NDST1: variants seen among roughly 807,000 people sequenced by gnomAD.
NDST1 encodes the protein N-deacetylase and N-sulfotransferase 1, also known as bifunctional heparan sulfate N-deacetylase/N-sulfotransferase 1.
In NDST1, 35 loss-of-function variants were observed where a neutral mutation model predicts 92.8. The observed-to-expected ratio is 0.38, with a 90% confidence interval of 0.29 to 0.50. The LOEUF (loss-of-function observed/expected upper bound fraction) is 0.50. Among genes scored for constraint, NDST1 ranks in the 20% least tolerant of loss-of-function variants. The probability of loss-of-function intolerance (pLI) is 0.94; values close to 1 mark genes in which losing one functional copy is unlikely to be tolerated. For missense variants in NDST1, 822 were observed against 1,182.7 expected, an observed-to-expected ratio of 0.69 and a Z score of 4.47; for synonymous variants, 493 against 500.3, an observed-to-expected ratio of 0.99 and a Z score of 0.19.
At chr5:150,505,019 A>G (rs542730075), upstream of NDST1, among the ~76,000 whole-genome samples, 3 of 152,306 alleles carry the variant, frequency 2.0e-5, no homozygotes, top group African/African-American at 7.2e-5. Context: ...CTTTTCTGAG[A>G]AAGGGGGAAG....
Position 150,528,105 on chromosome 5 carries a change from T to C in NDST1, c.815T>C (p.Leu272Pro), listed in dbSNP as rs1318156238. 3 of 1,613,980 alleles carry C rather than the reference T, an allele frequency of 1.9e-6. No individual in the cohort carries two copies. The highest frequency in any genetic ancestry group is 2.5e-6 in the Non-Finnish European group (3 of 1,179,852). ...GCCACTGTGGTCCAGGACCTGGGCC[T>C]GCACGACGGCATCCAGCGCGTGCTG... ...LHATVVQDLG[L>P]HDGIQRVLFG... The change falls in exon 3 of 15, where the codon CTG becomes CCG. Residue 272 changes from leucine (L) to proline (P), a missense_variant. Coordinates refer to ENST00000261797, the MANE Select transcript of NDST1 (RefSeq NM_001543.5).
intron 8 of NDST1, among the ~76,000 whole-genome samples, chr5:150,540,842 A>G (rs926095526): frequency 6.6e-6 from 1 of 152,202 alleles, no homozygotes; most frequent in Non-Finnish European, 1.5e-5. Flanking sequence ...CCAAGTGAAC[A>G]CAGTGCAGAC....
rs755090729 is a variant in NDST1, at chr5:150,545,315, C to T, written c.1974C>T (p.Tyr658=). ...CGCCTCTCTGGGCTTCCTGCAGGTA[C>T]ATGGAGTTCTTCCCCATCCCTTCCA... is the stretch of plus-strand genomic sequence containing the variant. The part of the protein sequence containing the change: ...GHNYHKGIDW[Y]MEFFPIPSNT... The change falls in exon 11 of 15, where the codon TAC becomes TAT. Residue 658 remains tyrosine, a synonymous_variant. Coordinates refer to ENST00000261797, the MANE Select transcript of NDST1 (RefSeq NM_001543.5). The T allele has an allele frequency of 4.3e-6, 7 of 1,614,234 alleles. No individual in the cohort carries two copies. The South Asian group carries it at 7.7e-5, about 18-fold the overall frequency.
chr5:150,539,172 C>G, intron 6 of NDST1, 56 bp from the exon 7 acceptor site: 15 of 1,442,918 alleles, frequency 1.0e-5, no homozygotes, highest in Non-Finnish European at 1.5e-5. Flanking sequence ...GAAGAGTCCT[C>G]CCACCACCCT....
chr5:150,529,452 A>T (rs1754624844), intron 3 of NDST1, among the ~76,000 whole-genome samples: 1 of 152,018 alleles, frequency 6.6e-6, no homozygotes, highest in South Asian at 2.1e-4. Context: ...TACTTTGCAG[A>T]CCACAAGATT....
At position 150,521,742 on chromosome 5, in the gene NDST1, G is replaced by T; in HGVS notation, c.488G>T (p.Gly163Val). ...ELLDKYCVAY[G>V]VGIIGFFKAN... ...CTGGACAAGTACTGTGTGGCCTACGGCGTGGGCATCATTGGCTTCTTCAAG... is the reference window on the plus strand; with the variant it reads ...CTGGACAAGTACTGTGTGGCCTACGTCGTGGGCATCATTGGCTTCTTCAAG... Residue 163 changes from glycine (G) to valine (V), a missense_variant, in exon 2 of 15, where the codon GGC (glycine) becomes GTC (valine). By Grantham distance (109) the Gly-to-Val change is moderately radical. Transcript: ENST00000261797. This position sits in a 1 kb window ranked among gnomAD's most constrained non-coding sequence, Gnocchi z 5.9. 6.2e-7 allele frequency: 1 copy of T among 1,613,848 alleles called. No individual in the cohort carries two copies. The highest frequency in any genetic ancestry group is 8.5e-7 in the Non-Finnish European group (1 of 1,180,034).
chr5:150,527,847 C>A lies in NDST1; in HGVS notation c.557C>A (p.Pro186His). Residue 186 changes from proline (P) to histidine (H), a missense_variant, in exon 3 of 15, where the codon CCC becomes CAC. Transcript: ENST00000261797. ...SLLSAQLKGF[P>H]LFLHSNLGLK... ...CTGAGTGCGCAGCTCAAGGGCTTCC[C>A]CCTGTTCCTGCACTCAAACCTGGGC... 6.2e-7 allele frequency: 1 copy of A among 1,614,160 alleles called. No individual in the cohort carries two copies. The highest frequency in any genetic ancestry group is 8.5e-7 in the Non-Finnish European group (1 of 1,180,034).
Position 150,554,507 on chromosome 5 carries a change from C to T in NDST1, c.*1175C>T, listed in dbSNP as rs1006049421. 6.6e-6 allele frequency: 1 copy of T among 152,518 alleles called. No homozygotes were observed. Among genetic ancestry groups the T allele is most frequent in the East Asian group, 1.9e-4 (1 of 5,178 alleles). 9.4% of individuals were successfully genotyped at this position (152,518 alleles called of 1,614,324 possible). A position where few individuals can be genotyped will look rare whatever the true frequency, so the allele number is the denominator to read the frequency against. ...GGAGGGAGGCTGTGTCCTCAGTGGCCTGGGGCTGAGCAGACCTTAGGAAGG... is the reference window on the plus strand; with the variant it reads ...GGAGGGAGGCTGTGTCCTCAGTGGCTTGGGGCTGAGCAGACCTTAGGAAGG... On this transcript the variant is annotated 3_prime_UTR_variant, in exon 15 of 15. Transcript: ENST00000261797.
At chr5:150,543,367 G>A (rs142877429) in intron 10 of NDST1, among the ~76,000 whole-genome samples, 3 of 152,230 alleles carry the variant, frequency 2.0e-5, no homozygotes, top group Non-Finnish European at 4.4e-5. Flanking sequence ...GGCCCTTCAG[G>A]GACAGGTCGC....
chr5:150,514,295 C>T (rs1361180505), intron 1 of NDST1, among the ~76,000 whole-genome samples: 2 of 152,160 alleles, frequency 1.3e-5, no homozygotes, highest in Non-Finnish European at 2.9e-5. Context: ...GCTGGCTGGG[C>T]GTGGTGGCTC....
rs147617018 is a variant in NDST1 at position 150,521,344 on chromosome 5, C to T, written c.90C>T (p.Ser30=). The T allele has an allele frequency of 6.4e-5, 103 of 1,613,410 alleles. No homozygotes were observed. The highest frequency in any genetic ancestry group is 4.2e-4 in the East Asian group (19 of 44,854). The part of the protein sequence containing the change: ...LFLLFIFCLF[S]VFISAYYLYG... ...TGCTGTTCATCTTCTGCCTGTTCAG[C>T]GTTTTCATCTCGGCCTACTACCTAT... is the stretch of plus-strand genomic sequence containing the variant. Residue 30 remains serine (S), a synonymous_variant, in exon 2 of 15, where the codon AGC becomes AGT. Transcript: ENST00000261797. This position sits in a 1 kb window ranked among gnomAD's most constrained non-coding sequence, Gnocchi z 5.9.
intron 1 of NDST1, among the ~76,000 whole-genome samples, chr5:150,512,139 G>C (rs1753752353): frequency 6.6e-6 from 1 of 152,136 alleles, no homozygotes; most frequent in African/African-American, 2.4e-5. Context: ...TGCTGGCAGA[G>C]CTCTTTCTGC....
rs780481897 is a variant in NDST1, at chr5:150,528,174, T to C, written c.884T>C (p.Val295Ala). The C allele has an allele frequency of 1.6e-5, 26 of 1,614,252 alleles. No homozygotes were observed. Among genetic ancestry groups the C allele is most frequent in the Non-Finnish European group, 2.2e-5 (26 of 1,180,036 alleles). Reference sequence around the variant, plus strand: ...TTCTGGCTGCACAAGCTTGTCTTCGTGGATGCCGTGGCCTTCCTCACGGGG... The same window carrying C: ...TTCTGGCTGCACAAGCTTGTCTTCGCGGATGCCGTGGCCTTCCTCACGGGG... ...LNFWLHKLVF[V>A]DAVAFLTGKR... is the part of the protein sequence containing the mutation. Residue 295 changes from valine (V) to alanine (A), a missense_variant, in exon 3 of 15, where the codon GTG (valine) becomes GCG (alanine). Transcript: ENST00000261797.
rs1356563900 is a variant in NDST1 at position 150,555,302 on chromosome 5, C to T, written c.*1970C>T. The T allele has an allele frequency of 6.5e-6, 1 of 152,964 alleles. No individual in the cohort carries two copies. The highest frequency in any genetic ancestry group is 2.4e-5 in the African/African-American group (1 of 41,468). The allele number at this position is 152,964 out of a possible 1,614,324, so 9.5% of individuals were successfully genotyped here. A position where few individuals can be genotyped will look rare whatever the true frequency, so the allele number is the denominator to read the frequency against. On this transcript the variant is annotated 3_prime_UTR_variant, in exon 15 of 15. Transcript: ENST00000261797. Reference sequence around the variant, plus strand: ...CTCATTCCGAGGTCTGCGTTTGCATCCCTGTCGTGTTCTCCCTCGAGGGGT... The same window carrying T: ...CTCATTCCGAGGTCTGCGTTTGCATTCCTGTCGTGTTCTCCCTCGAGGGGT...
Position 150,521,613 on chromosome 5 carries a change from G to T in NDST1, c.359G>T (p.Gly120Val). The T allele has an allele frequency of 1.9e-6, 3 of 1,614,064 alleles. No individual in the cohort carries two copies. In the Middle Eastern group the frequency reaches 4.9e-4, roughly 266 times the overall value. ...CGCACAGAGATTGCGCCGGGCAAGG[G>T]TGACATGCCCACGCTCACTGACAAG... Reference protein sequence around the residue: ...KYRTEIAPGKGDMPTLTDKGR... With the variant: ...KYRTEIAPGKVDMPTLTDKGR... The change falls in exon 2 of 15, where the codon GGT (glycine) becomes GTT (valine). Residue 120 changes from glycine to valine, a missense_variant. Physicochemically the swap from Gly to Val is moderately radical, Grantham distance 109 (BLOSUM62 -3). Coordinates refer to ENST00000261797, the MANE Select transcript of NDST1 (RefSeq NM_001543.5). The surrounding 1 kb of genome is among the most constrained non-coding windows in gnomAD (Gnocchi z 5.9).
intron 11 of NDST1, among the ~76,000 whole-genome samples, chr5:150,546,956 G>A (rs1427110191): frequency 2.6e-5 from 4 of 152,238 alleles, no homozygotes; most frequent in Admixed American, 2.6e-4. Flanking sequence ...CGCTGTGCAG[G>A]GAATGGGCAG....
chr5:150,504,717 G>C (rs1416764643), upstream of NDST1, among the ~76,000 whole-genome samples: 1 of 152,186 alleles, frequency 6.6e-6, no homozygotes, highest in Non-Finnish European at 1.5e-5. Context: ...CTGAGCTGCT[G>C]TCTTTGTGAA....
chr5:150,525,969 T>TC (rs1754458591), intron 2 of NDST1, among the ~76,000 whole-genome samples: 2 of 152,130 alleles, frequency 1.3e-5, no homozygotes, highest in African/African-American at 4.8e-5. Context: ...GCTGCTTCAA[T>TC]CCTCCAGCAC....
chr5:150,543,004 G>T, intron 10 of NDST1, 33 bp downstream of exon 10: 1 of 1,613,270 alleles, frequency 6.2e-7, no homozygotes, highest in Non-Finnish European at 8.5e-7. Flanking sequence ...AGCGGGACGG[G>T]AAGGCCATCC....
Sources: allele counts gnomAD v4.1 joint callset (sites outside exome capture counted in the v4.1 genomes callset), GRCh38; gene constraint gnomAD v4.1.1; non-coding constraint Gnocchi (gnomAD v3.1); transcripts MANE v1.5; gene names NCBI Gene and HGNC (gene_info 2026-07-23, HGNC 2026-07-21).